Variants in MALRD1 observed in about 807,000 individuals in gnomAD.
MALRD1 encodes MAM and LDL receptor class A domain containing 1, also known as MAM and LDL-receptor class A domain-containing protein 1.
A neutral mutation model predicts 242.1 loss-of-function variants in MALRD1; 247 were observed. The ratio of observed to expected loss-of-function variants is 1.02; its 90% confidence interval spans 0.92 to 1.13. The LOEUF (loss-of-function observed/expected upper bound fraction) is 1.13, where lower values mean the gene tolerates loss of function less well. Ranked by LOEUF, MALRD1 falls within the 50% of genes most tolerant of loss-of-function variation. The pLI is 0.00. For missense variants in MALRD1, 2,989 were observed against 2,533.1 expected, an observed-to-expected ratio of 1.18 and a Z score of -3.86; for synonymous variants, 995 against 866.6, an observed-to-expected ratio of 1.15 and a Z score of -2.60.
At chr10:19,260,445 AT>A (rs1392022394) in intron 19 of MALRD1, among the ~76,000 whole-genome samples, 2 of 152,216 alleles carry the variant, frequency 1.3e-5, no homozygotes, top group Non-Finnish European at 2.9e-5. Context: ...AAAAAAGCAT[AT>A]TTGAAATTTC....
At chr10:19,157,295 C>G (rs1834195719) in intron 12 of MALRD1, among the ~76,000 whole-genome samples, 1 of 138,254 alleles carries the variant, frequency 7.2e-6, no homozygotes, top group African/African-American at 2.7e-5. Context: ...TTTCCTGAGA[C>G]AGAATCTCAC....
intron 26 of MALRD1, among the ~76,000 whole-genome samples, chr10:19,359,544 G>T (rs1162346617): frequency 6.6e-6 from 1 of 152,024 alleles, no homozygotes; most frequent in African/African-American, 2.4e-5. Context: ...ATACTCCACT[G>T]CGCACTTCTT....
At chr10:19,643,538 A>G (rs912606001) in intron 36 of MALRD1, among the ~76,000 whole-genome samples, 3 of 152,204 alleles carry the variant, frequency 2.0e-5, no homozygotes, top group Non-Finnish European at 4.4e-5. Context: ...AAAATGCCCA[A>G]TAGTTTCGAC....
intron 38 of MALRD1, chr10:19,724,780 A>G (rs566884868): frequency 1.3e-5 from 2 of 152,338 alleles, no homozygotes; most frequent in South Asian, 4.1e-4. Context: ...AAAAGAAGAC[A>G]TAAACTTCAG....
At chr10:19,207,793 C>T (rs753148744) in intron 17 of MALRD1, among the ~76,000 whole-genome samples, 1 of 152,132 alleles carries the variant, frequency 6.6e-6, no homozygotes, top group South Asian at 2.1e-4. Flanking sequence ...TGAGCCACTG[C>T]GCCCAGCCTG....
chr10:19,441,268 A>C (rs1237015537), intron 28 of MALRD1, among the ~76,000 whole-genome samples: 2 of 152,044 alleles, frequency 1.3e-5, no homozygotes, highest in Non-Finnish European at 2.9e-5. Context: ...AGATTGTAAA[A>C]ATTTTCTCCC....
At chr10:19,695,119 G>A (rs1833307254) in intron 38 of MALRD1, among the ~76,000 whole-genome samples, 1 of 152,102 alleles carries the variant, frequency 6.6e-6, no homozygotes, top group Non-Finnish European at 1.5e-5. Flanking sequence ...TATACCCAAT[G>A]TAAATGATGA....
At chr10:19,084,091 T>C (rs1835584784) in intron 2 of MALRD1, among the ~76,000 whole-genome samples, 1 of 151,992 alleles carries the variant, frequency 6.6e-6, no homozygotes, top group Admixed American at 6.6e-5. Flanking sequence ...CATGTACAAC[T>C]TGTAGTAATG....
intron 32 of MALRD1, among the ~76,000 whole-genome samples, chr10:19,534,772 T>C (rs1300609652): frequency 6.6e-6 from 1 of 152,124 alleles, no homozygotes; most frequent in Non-Finnish European, 1.5e-5. Context: ...AATTAAAAAA[T>C]TTATAATTTT....
In MALRD1 at chr10:19,352,005, G is replaced by A; in HGVS notation, c.4150-1G>A. On this transcript the variant is annotated splice_acceptor_variant, in intron 25 of 39. Transcript: ENST00000454679. LOFTEE classifies it high-confidence loss of function. ...TGTAATATTCCTATTCTTGATTACA[G>A]ATTATTTTTCATTATCACATGTATG... 6.5e-7 allele frequency: 1 copy of A among 1,542,550 alleles called. No individual in the cohort carries two copies. The highest frequency in any genetic ancestry group is 1.2e-5 in the South Asian group (1 of 83,896).
intron 5 of MALRD1, among the ~76,000 whole-genome samples, chr10:19,113,710 A>G (rs1372947203): frequency 6.6e-6 from 1 of 150,766 alleles, no homozygotes; most frequent in African/African-American, 2.4e-5. Context: ...GTTTCTGAGC[A>G]AAAGTTTCTT....
At chr10:19,616,070 C>A in intron 36 of MALRD1, 147 bp downstream of exon 36, 2 of 556,938 alleles carry the variant, frequency 3.6e-6, no homozygotes, top group Non-Finnish European at 6.2e-6. Context: ...ATTTATCTGT[C>A]TGAATAAGGT....
chr10:19,734,100 G>T, intron 39 of MALRD1, 57 bp from the exon 40 acceptor site: 1 of 1,370,528 alleles, frequency 7.3e-7, no homozygotes, highest in South Asian at 1.3e-5. Context: ...TCTTTAAAGA[G>T]TTTTCTTATC....
At chr10:19,239,611 AG>A (rs1289050118) in intron 18 of MALRD1, among the ~76,000 whole-genome samples, 2 of 152,114 alleles carry the variant, frequency 1.3e-5, no homozygotes, top group Non-Finnish European at 2.9e-5. Flanking sequence ...GTTATCTCCT[AG>A]TAGTTTTTCG....
intron 34 of MALRD1, among the ~76,000 whole-genome samples, chr10:19,596,350 C>T (rs889222317): frequency 2.6e-5 from 4 of 152,014 alleles, no homozygotes; most frequent in African/African-American, 9.7e-5. Context: ...ATGAGTGCTG[C>T]AGTGATAGTA....
At chr10:19,404,810 C>T (rs539220463) in intron 28 of MALRD1, among the ~76,000 whole-genome samples, 1 of 152,204 alleles carries the variant, frequency 6.6e-6, no homozygotes, top group African/African-American at 2.4e-5. Flanking sequence ...TCAATGTGAA[C>T]ACCTGGATCA....
chr10:19,143,830 G>A (rs1355557982), intron 10 of MALRD1, among the ~76,000 whole-genome samples: 2 of 152,166 alleles, frequency 1.3e-5, no homozygotes, highest in African/African-American at 2.4e-5. Context: ...ATAGAAGGTG[G>A]CAGAGCTCAC....
At chr10:19,558,516 T>C (rs1165683832) in intron 32 of MALRD1, among the ~76,000 whole-genome samples, 1 of 152,196 alleles carries the variant, frequency 6.6e-6, no homozygotes, top group Non-Finnish European at 1.5e-5. Flanking sequence ...TTCTGTAGCT[T>C]GTTGATATGA....
chr10:19,270,985 A>G (rs901120778), intron 19 of MALRD1, among the ~76,000 whole-genome samples: 4 of 152,152 alleles, frequency 2.6e-5, no homozygotes, highest in African/African-American at 9.7e-5. Flanking sequence ...GATAAACCTA[A>G]ATATACGAAT....
Sources: gnomAD v4.1 joint callset for allele counts (sites outside exome capture counted in the v4.1 genomes callset) on GRCh38, gnomAD v4.1.1 for gene constraint, MANE v1.5 for transcripts, NCBI Gene and HGNC (gene_info 2026-07-23, HGNC 2026-07-21) for gene names.